Variants in EFNA1 observed in about 807,000 individuals in gnomAD.
EFNA1 encodes the protein ephrin A1, also known as ephrin-A1.
EFNA1 carries 8 observed loss-of-function variants against 23.2 expected under a neutral mutation model. The observed-to-expected ratio is 0.34, with a 90% CI of 0.20 to 0.62. The LOEUF (loss-of-function observed/expected upper bound fraction) is 0.62, where lower values mean the gene tolerates loss of function less well. Among genes scored for constraint, EFNA1 ranks in the 20% least tolerant of loss-of-function variants. The probability of loss-of-function intolerance (pLI) is 0.75; values close to 1 mark genes in which losing one functional copy is unlikely to be tolerated. For synonymous variants in EFNA1, 89 were observed against 98.6 expected (o/e 0.90, Z 0.58); for missense variants, 217 against 260.0 (o/e 0.83, Z 1.14).
intron 2 of EFNA1, among the ~76,000 whole-genome samples, chr1:155,132,144 G>A (rs929836838): frequency 4.6e-5 from 7 of 152,192 alleles, no homozygotes; most frequent in African/African-American, 1.7e-4. Context: ...TGTGAGCCTG[G>A]AGAGGTGGAC....
chr1:155,128,147 C>T (rs576013875), intron 1 of EFNA1, 78 bp downstream of exon 1: 147 of 1,333,636 alleles, frequency 1.1e-4, no homozygotes, highest in Admixed American at 1.5e-4. Flanking sequence ...CCGGCCAAAC[C>T]CTGAGCTGAG....
intron 1 of EFNA1, 45 bp downstream of exon 1, chr1:155,128,114 A>G (rs1474592761): frequency 4.5e-6 from 7 of 1,552,820 alleles, no homozygotes; most frequent in Non-Finnish European, 6.2e-6. Context: ...CCCGGCTGGC[A>G]CTACCCCACC....
chr1:155,134,454 G>A lies in EFNA1; in HGVS notation c.*387G>A. The A allele has an allele frequency of 3.9e-6, 1 of 256,614 alleles. No homozygotes were observed. Among genetic ancestry groups the A allele is most frequent in the Non-Finnish European group, 7.6e-6 (1 of 130,810 alleles). 15.9% of individuals were successfully genotyped at this position (256,614 alleles called of 1,614,324 possible). On this transcript the variant is annotated 3_prime_UTR_variant, in exon 5 of 5. Coordinates refer to ENST00000368407, the MANE Select transcript of EFNA1 (RefSeq NM_004428.3). ...AGATGCCCCCTCCAGGAGAGAGCCA[G>A]GATGCCCAGATGAACTGACTGAAGG...
In EFNA1 at chr1:155,131,450, A is replaced by T; in HGVS notation, c.204A>T (p.Ile68=). ...SVADAAMEQY[I]LYLVEHEEYQ... ...CAGACGCTGCCATGGAGCAGTACAT[A>T]CTGTACCTGGTGGAGCATGAGGAGT... Residue 68 remains isoleucine, a synonymous_variant, in exon 2 of 5, where the codon ATA becomes ATT. Coordinates refer to ENST00000368407, the MANE Select transcript of EFNA1 (RefSeq NM_004428.3). 1 of 1,614,136 alleles carries T rather than the reference A, an allele frequency of 6.2e-7. No individual in the cohort carries two copies. The highest frequency in any genetic ancestry group is 8.5e-7 in the Non-Finnish European group (1 of 1,180,020).
intron 1 of EFNA1, among the ~76,000 whole-genome samples, chr1:155,130,187 C>T (rs1445467780): frequency 6.6e-6 from 1 of 152,224 alleles, no homozygotes; most frequent in Non-Finnish European, 1.5e-5. Flanking sequence ...TCCTCTCTGC[C>T]TGACTCCTTC....
chr1:155,134,196 C>A lies in EFNA1; in HGVS notation c.*129C>A. The A allele has an allele frequency of 3.3e-6, 3 of 897,910 alleles. No individual in the cohort carries two copies. Among genetic ancestry groups the A allele is most frequent in the Non-Finnish European group, 5.2e-6 (3 of 576,742 alleles). The allele number at this position is 897,910 out of a possible 1,614,324, so 55.6% of individuals were successfully genotyped here. ...CACTCCCACCACAGGCATAAGCTATCACCTAGCAGCCTCAAAACGGGTCAG... is the reference window on the plus strand; with the variant it reads ...CACTCCCACCACAGGCATAAGCTATAACCTAGCAGCCTCAAAACGGGTCAG... On this transcript the variant is annotated 3_prime_UTR_variant, in exon 5 of 5. Transcript: ENST00000368407.
At position 155,134,111 on chromosome 1, in the gene EFNA1, G is replaced by A; in HGVS notation, c.*44G>A. 1 of 1,587,636 alleles carries A rather than the reference G, an allele frequency of 6.3e-7. No individual in the cohort carries two copies. Among genetic ancestry groups the A allele is most frequent in the Non-Finnish European group, 8.6e-7 (1 of 1,163,984 alleles). ...GCCTTAAAGAGGGACAGGCTGAAGAGAGGGACAGGCACTCCAAACCTGTCT... is the reference window on the plus strand; with the variant it reads ...GCCTTAAAGAGGGACAGGCTGAAGAAAGGGACAGGCACTCCAAACCTGTCT... On this transcript the variant is annotated 3_prime_UTR_variant, in exon 5 of 5. Coordinates refer to ENST00000368407, the MANE Select transcript of EFNA1 (RefSeq NM_004428.3).
At chr1:155,130,513 G>A (rs1571684672) in intron 1 of EFNA1, 1 of 984,626 alleles carries the variant, frequency 1.0e-6, no homozygotes, top group African/African-American at 1.7e-5. Context: ...GGGAGAGAGG[G>A]GAGAGGGGAG....
Position 155,134,101 on chromosome 1 carries a change from A to G in EFNA1, c.*34A>G. ...GCCACACCTGGCCTTAAAGAGGGAC[A>G]GGCTGAAGAGAGGGACAGGCACTCC... On this transcript the variant is annotated 3_prime_UTR_variant, in exon 5 of 5. Transcript: ENST00000368407. 6.2e-7 allele frequency: 1 copy of G among 1,601,148 alleles called. No individual in the cohort carries two copies. The highest frequency in any genetic ancestry group is 8.5e-7 in the Non-Finnish European group (1 of 1,172,568).
chr1:155,133,419 G>C, intron 2 of EFNA1, 84 bp from the exon 3 acceptor site: 5 of 1,471,922 alleles, frequency 3.4e-6, no homozygotes, highest in Non-Finnish European at 4.7e-6. Flanking sequence ...GTAGGGAGCT[G>C]AGAAAGCAGG....
At position 155,134,102 on chromosome 1, in the gene EFNA1, G is replaced by C; in HGVS notation, c.*35G>C. ...CCACACCTGGCCTTAAAGAGGGACAGGCTGAAGAGAGGGACAGGCACTCCA... is the reference window on the plus strand; with the variant it reads ...CCACACCTGGCCTTAAAGAGGGACACGCTGAAGAGAGGGACAGGCACTCCA... On this transcript the variant is annotated 3_prime_UTR_variant, in exon 5 of 5. Coordinates refer to ENST00000368407, the MANE Select transcript of EFNA1 (RefSeq NM_004428.3). The C allele has an allele frequency of 1.2e-6, 2 of 1,601,838 alleles. No individual in the cohort carries two copies. Among genetic ancestry groups the C allele is most frequent in the Non-Finnish European group, 8.5e-7 (1 of 1,173,068 alleles).
chr1:155,130,829 A>G, intron 1 of EFNA1: 1 of 985,230 alleles, frequency 1.0e-6, no homozygotes, highest in Non-Finnish European at 1.2e-6. Context: ...ATGTGAGAGG[A>G]GTAAGGAAAG....
At chr1:155,133,394 G>A (rs1214355224) in intron 2 of EFNA1, 109 bp from the exon 3 acceptor site, 5 of 1,250,048 alleles carry the variant, frequency 4.0e-6, no homozygotes, top group Non-Finnish European at 5.8e-6. Context: ...AGAGGGAAGA[G>A]AAGAATGAAA....
intron 2 of EFNA1, 107 bp downstream of exon 2, chr1:155,131,741 T>C (rs1362575769): frequency 5.6e-6 from 7 of 1,240,736 alleles, no homozygotes; most frequent in African/African-American, 1.5e-5. Flanking sequence ...CCTTCCGATC[T>C]TGAATTCTAT....
Position 155,131,489 on chromosome 1 carries a change from G to C in EFNA1, c.243G>C (p.Gln81His). The C allele has an allele frequency of 6.2e-7, 1 of 1,613,606 alleles. No individual in the cohort carries two copies. The highest frequency in any genetic ancestry group is 8.5e-7 in the Non-Finnish European group (1 of 1,179,772). ...AGCATGAGGAGTACCAGCTGTGCCA[G>C]CCCCAGTCCAAGGACCAAGTCCGCT... ...LVEHEEYQLC[Q>H]PQSKDQVRWQ... The change falls in exon 2 of 5, where the codon CAG (glutamine) becomes CAC (histidine). Residue 81 changes from glutamine (Q) to histidine (H), a missense_variant. Physicochemically the swap from Gln to His is conservative, Grantham distance 24. Coordinates refer to ENST00000368407, the MANE Select transcript of EFNA1 (RefSeq NM_004428.3).
intron 1 of EFNA1, chr1:155,130,530 TCTCAAG>T (rs1241004939): frequency 1.0e-6 from 1 of 983,964 alleles, no homozygotes; most frequent in Non-Finnish European, 1.2e-6. Context: ...GGAGAGGCTG[TCTCAAG>T]CTCAAGCTCA....
rs114708813 is a variant in EFNA1 at position 155,133,963 on chromosome 1, G to A, written c.514G>A (p.Glu172Lys). ...QEKRLAADDP[E>K]VRVLHSIGHS... ...GCCCTCTCACCTTGCAGATGACCCA[G>A]AGGTGCGGGTTCTACATAGCATCGG... The change falls in exon 5 of 5, where the codon GAG becomes AAG. Residue 172 changes from glutamate (E) to lysine (K), a missense_variant. Transcript: ENST00000368407. 7.4e-4 allele frequency: 1,197 copies of A among 1,614,048 alleles called. No individual in the cohort carries two copies. Among genetic ancestry groups the A allele is most frequent in the Non-Finnish European group, 9.0e-4 (1,057 of 1,179,968 alleles).
intron 1 of EFNA1, among the ~76,000 whole-genome samples, chr1:155,128,273 A>G (rs1379922278): frequency 6.6e-6 from 1 of 152,030 alleles, no homozygotes; most frequent in African/African-American, 2.4e-5. Context: ...GCATGGGCTT[A>G]TATCTGCCCT....
At chr1:155,129,317 AG>A (rs991023002) in intron 1 of EFNA1, among the ~76,000 whole-genome samples, 3 of 151,908 alleles carry the variant, frequency 2.0e-5, no homozygotes, top group Non-Finnish European at 4.4e-5. Context: ...ATGAGTAGGG[AG>A]GGGGGGACCC....
Sources: gnomAD v4.1 joint callset for allele counts (sites outside exome capture counted in the v4.1 genomes callset) on GRCh38, gnomAD v4.1.1 for gene constraint, MANE v1.5 for transcripts, NCBI Gene and HGNC (gene_info 2026-07-23, HGNC 2026-07-21) for gene names.